Variants in CAPS2 observed in about 807,000 individuals in gnomAD.
CAPS2 encodes calcyphosine 2.
In CAPS2, 98 loss-of-function variants were observed where a neutral mutation model predicts 86.5. The observed-to-expected ratio is 1.13, with a 90% CI of 0.96 to 1.34. CAPS2 has a LOEUF of 1.34. Among genes scored for constraint, CAPS2 ranks in the 40% most tolerant of loss-of-function variants. The pLI, the probability that CAPS2 is intolerant of heterozygous loss-of-function variation, is 0.00. For missense variants in CAPS2, 729 were observed against 686.8 expected, an observed-to-expected ratio of 1.06 and a Z score of -0.69; for synonymous variants, 210 against 225.1, an observed-to-expected ratio of 0.93 and a Z score of 0.60.
At chr12:75,383,229 G>A (rs922649088) in intron 1 of CAPS2, among the ~76,000 whole-genome samples, 6 of 151,996 alleles carry the variant, frequency 3.9e-5, no homozygotes, top group Non-Finnish European at 7.4e-5. Flanking sequence ...TGACAGATAC[G>A]AAAGATTGAA....
chr12:75,277,820 C>A (rs1043788867), exon 17 of CAPS2: 66 of 893,852 alleles, frequency 7.4e-5, no homozygotes, highest in South Asian at 7.2e-4. Context: ...GAAAACAACT[C>A]ATAAAGTTGT....
chr12:75,358,239 A>C (rs1329007717), intron 1 of CAPS2, among the ~76,000 whole-genome samples: 1 of 151,818 alleles, frequency 6.6e-6, no homozygotes, highest in East Asian at 1.9e-4. Context: ...AAATGAGAGA[A>C]TTGTTCAAAA....
intron 1 of CAPS2, among the ~76,000 whole-genome samples, chr12:75,373,055 T>G (rs572733766): frequency 6.6e-6 from 1 of 152,190 alleles, no homozygotes; most frequent in Non-Finnish European, 1.5e-5. Flanking sequence ...CACCAAATAG[T>G]TGTCTAACCA....
chr12:75,307,050 G>A (rs576522326), intron 7 of CAPS2, among the ~76,000 whole-genome samples: 1 of 152,204 alleles, frequency 6.6e-6, no homozygotes, highest in South Asian at 2.1e-4. Context: ...ACACACCTGA[G>A]GACTGAACAC....
intron 16 of CAPS2, among the ~76,000 whole-genome samples, chr12:75,280,637 C>T (rs2033770714): frequency 6.6e-6 from 1 of 151,460 alleles, no homozygotes; most frequent in Non-Finnish European, 1.5e-5. Flanking sequence ...CAGATAATGA[C>T]GTGTTTAAAG....
chr12:75,355,738 C>G (rs769398676), intron 1 of CAPS2, among the ~76,000 whole-genome samples: 1 of 152,100 alleles, frequency 6.6e-6, no homozygotes, highest in African/African-American at 2.4e-5. Flanking sequence ...AAATGCCCAT[C>G]AATGACAGAC....
upstream of CAPS2, among the ~76,000 whole-genome samples, chr12:75,328,637 T>C (rs2041010465): frequency 6.6e-6 from 1 of 152,246 alleles, no homozygotes; most frequent in Non-Finnish European, 1.5e-5. Context: ...TTCCTTTCTC[T>C]GCATCTAACT....
chr12:75,377,473 C>T (rs1255085563), intron 1 of CAPS2, among the ~76,000 whole-genome samples: 1 of 152,152 alleles, frequency 6.6e-6, no homozygotes, highest in Non-Finnish European at 1.5e-5. Flanking sequence ...AGGAAGCCCA[C>T]AATGCAGCCA....
intron 14 of CAPS2, among the ~76,000 whole-genome samples, chr12:75,288,165 T>TTTGTTA (rs1191116525): frequency 2.6e-5 from 4 of 152,238 alleles, no homozygotes; most frequent in Non-Finnish European, 4.4e-5. Flanking sequence ...CTATTGCTGT[T>TTTGTTA]TTGTTATTGT....
intron 5 of CAPS2, 126 bp downstream of exon 5, chr12:75,321,273 AG>A (rs1053137760): frequency 1.6e-6 from 1 of 612,104 alleles, no homozygotes; most frequent in African/African-American, 1.9e-5. Flanking sequence ...CTTGATATGC[AG>A]AAATAAATGT....
chr12:75,327,007 C>A (rs549959498), upstream of CAPS2, among the ~76,000 whole-genome samples: 10 of 152,244 alleles, frequency 6.6e-5, no homozygotes, highest in South Asian at 1.9e-3. Flanking sequence ...GCAGAAGAGG[C>A]AAGGAATGGA....
At chr12:75,289,255 C>G (rs1370936108) in intron 14 of CAPS2, among the ~76,000 whole-genome samples, 26 of 152,174 alleles carry the variant, frequency 1.7e-4, no homozygotes. Flanking sequence ...CTTCCATGAT[C>G]TTTGTTCTCC....
upstream of CAPS2, among the ~76,000 whole-genome samples, chr12:75,333,393 T>C (rs1245608706): frequency 6.6e-6 from 1 of 152,298 alleles, no homozygotes; most frequent in East Asian, 1.9e-4. Context: ...TAGACACATG[T>C]AGATGTATAT....
upstream of CAPS2, among the ~76,000 whole-genome samples, chr12:75,329,352 C>T (rs2041083370): frequency 6.6e-6 from 1 of 152,166 alleles, no homozygotes; most frequent in Non-Finnish European, 1.5e-5. Context: ...GAAGGGAAAG[C>T]ACTTCTAAAT....
At chr12:75,369,875 T>A in intron 1 of CAPS2, 1 of 1,345,604 alleles carries the variant, frequency 7.4e-7, no homozygotes, top group South Asian at 1.9e-5. Flanking sequence ...TAGTTGATTG[T>A]CTTATTCTAA....
intron 1 of CAPS2, among the ~76,000 whole-genome samples, chr12:75,343,345 A>G (rs1422165322): frequency 6.6e-6 from 1 of 151,964 alleles, no homozygotes; most frequent in Admixed American, 6.6e-5. Context: ...ATCAATGAGT[A>G]TTCATCCTTT....
At chr12:75,337,999 G>A (rs1462195998) in intron 1 of CAPS2, among the ~76,000 whole-genome samples, 2 of 151,908 alleles carry the variant, frequency 1.3e-5, no homozygotes, top group African/African-American at 2.4e-5. Flanking sequence ...AATTAAATAC[G>A]TAATTTAAAA....
chr12:75,326,719 G>T (rs994076329), upstream of CAPS2, among the ~76,000 whole-genome samples: 2 of 152,158 alleles, frequency 1.3e-5, no homozygotes, highest in African/African-American at 4.8e-5. Context: ...GGCCCCCAAA[G>T]AAGGCCATCT....
intron 1 of CAPS2, among the ~76,000 whole-genome samples, chr12:75,335,347 A>G (rs922943638): frequency 1.3e-5 from 2 of 152,188 alleles, no homozygotes; most frequent in Non-Finnish European, 2.9e-5. Context: ...ACAACACTTC[A>G]TGTGTAGTAT....
Sources: allele counts gnomAD v4.1 joint callset (sites outside exome capture counted in the v4.1 genomes callset), GRCh38; gene constraint gnomAD v4.1.1; transcripts MANE v1.5; gene names NCBI Gene and HGNC (gene_info 2026-07-23, HGNC 2026-07-21).